The following SPEF2 variants were observed in gnomAD, a reference collection of about 807,000 sequenced individuals.
SPEF2 encodes the protein sperm flagellar and cilia associated 2, also known as sperm flagella and cilia-associated protein 2.
A neutral mutation model predicts 224.6 loss-of-function variants in SPEF2; 187 were observed. That is an observed-to-expected ratio of 0.83 (90% confidence interval 0.74 to 0.94). The LOEUF (loss-of-function observed/expected upper bound fraction) is 0.94. Among genes scored for constraint, SPEF2 ranks in the 40% least tolerant of loss-of-function variants. The probability of loss-of-function intolerance (pLI) is 0.00; values close to 1 mark genes in which losing one functional copy is unlikely to be tolerated. For missense variants in SPEF2, 2,170 were observed against 2,135.6 expected, an observed-to-expected ratio of 1.02 and a Z score of -0.32; for synonymous variants, 715 against 707.3, an observed-to-expected ratio of 1.01 and a Z score of -0.17.
In SPEF2 at chr5:35,740,287, T is replaced by C. The variant is rs769937686; in HGVS notation, c.3330+20T>C. ...GTGAATGTAAGGAAATAGTGACCTA[T>C]TGGGACAGGGTTAGCTGGCTTTCAT... On this transcript the variant is annotated intron_variant, in intron 23 of 36. Transcript: ENST00000356031. The C allele has an allele frequency of 3.1e-6, 5 of 1,613,370 alleles. No individual in the cohort carries two copies. In the South Asian group the frequency reaches 4.4e-5, roughly 14 times the overall value.
At chr5:35,710,528 G>A in intron 19 of SPEF2, 8 of 951,450 alleles carry the variant, frequency 8.4e-6, no homozygotes, top group Non-Finnish European at 1.0e-5. Flanking sequence ...CTGCACTCTA[G>A]CCTGGGGGAT....
intron 10 of SPEF2, among the ~76,000 whole-genome samples, chr5:35,676,318 C>T (rs558053020): frequency 1.3e-5 from 2 of 152,148 alleles, no homozygotes; most frequent in Non-Finnish European, 2.9e-5. Context: ...TGGGTTTGTT[C>T]TCTACCTACT....
Position 35,618,023 on chromosome 5 carries a change from T to G in SPEF2, c.26T>G (p.Leu9Arg). 1 of 1,587,232 alleles carries G rather than the reference T, an allele frequency of 6.3e-7. No individual in the cohort carries two copies. The highest frequency in any genetic ancestry group is 1.3e-5 in the African/African-American group (1 of 74,384). Residue 9 changes from leucine to arginine, a missense_variant, in exon 1 of 37, where the codon CTC (leucine) becomes CGC (arginine). Leu to Arg is a moderately radical substitution (Grantham distance 102). Coordinates refer to ENST00000356031, the MANE Select transcript of SPEF2 (RefSeq NM_024867.4). The part of the protein sequence containing the change: MSEILCQW[L>R]NKELKVSRTV... The stretch of plus-strand genomic sequence containing the variant: ...ATGTCGGAGATCCTGTGCCAGTGGC[T>G]CAACAAGGAGTTGAAGGTGTCCCGG...
chr5:35,630,645 G>A (rs183796005), intron 2 of SPEF2, among the ~76,000 whole-genome samples: 39 of 152,140 alleles, frequency 2.6e-4, no homozygotes, highest in East Asian at 1.7e-3. Flanking sequence ...GCAGTGAGCC[G>A]AGATTGGGCC....
At chr5:35,666,037 T>C (rs1580183777) in intron 8 of SPEF2, among the ~76,000 whole-genome samples, 1 of 152,294 alleles carries the variant, frequency 6.6e-6, no homozygotes, top group East Asian at 1.9e-4. Flanking sequence ...TTTTGGGGTA[T>C]GCTAAGTACT....
At chr5:35,629,509 C>A (rs1433396437) in intron 2 of SPEF2, among the ~76,000 whole-genome samples, 1 of 151,878 alleles carries the variant, frequency 6.6e-6, no homozygotes, top group Non-Finnish European at 1.5e-5. Flanking sequence ...TTTGGGTGGA[C>A]AATTAGTATG....
At chr5:35,749,964 C>G (rs1749152741) in intron 23 of SPEF2, among the ~76,000 whole-genome samples, 1 of 152,062 alleles carries the variant, frequency 6.6e-6, no homozygotes, top group Non-Finnish European at 1.5e-5. Context: ...TACTATAAGG[C>G]CATAGTAACC....
At position 35,641,536 on chromosome 5, in the gene SPEF2, G is replaced by A; in HGVS notation, c.267G>A (p.Lys89=). Residue 89 remains lysine (K), a synonymous_variant, in exon 3 of 37, where the codon AAG becomes AAA. Coordinates refer to ENST00000356031, the MANE Select transcript of SPEF2 (RefSeq NM_024867.4). ...TGGCCCATGGCATCATCACAGAAAA[G>A]CCTGGGGTGGCAACAAAGCTGTTAT... ...QNVAHGIITE[K]PGVATKLLYQ... is the part of the protein sequence containing the mutation. The A allele has an allele frequency of 6.2e-7, 1 of 1,613,826 alleles. No individual in the cohort carries two copies. The highest frequency in any genetic ancestry group is 1.7e-5 in the Admixed American group (1 of 59,958).
chr5:35,704,710 T>C, intron 17 of SPEF2, 48 bp downstream of exon 17: 1 of 1,092,260 alleles, frequency 9.2e-7, no homozygotes, highest in Non-Finnish European at 1.4e-6. Flanking sequence ...GCTTTTTAAA[T>C]AGATTGACAA....
In SPEF2 at chr5:35,667,856, T is replaced by C. The variant is rs73080265; in HGVS notation, c.1355+597T>C. On this transcript the variant is annotated intron_variant, in intron 9 of 36. Transcript: ENST00000356031. Reference sequence around the variant, plus strand: ...CCAGTTCAAAAATAGGCAAAAGATATGAAAAGACATTTCACTGAAGAGGAT... The same window carrying C: ...CCAGTTCAAAAATAGGCAAAAGATACGAAAAGACATTTCACTGAAGAGGAT... 2.6e-3 allele frequency among the ~76,000 whole-genome samples: 389 copies of C among 152,144 alleles called. 4 individuals carry two copies. The highest frequency in any genetic ancestry group is 9.1e-3 in the African/African-American group (376 of 41,542).
intron 10 of SPEF2, chr5:35,671,459 C>A (rs1751207502): frequency 2.0e-6 from 2 of 979,046 alleles, no homozygotes; most frequent in Non-Finnish European, 2.4e-6. Flanking sequence ...GTAAAATATA[C>A]TAGACCTATT....
chr5:35,705,239 G>C (rs1426778329), intron 17 of SPEF2, among the ~76,000 whole-genome samples: 2 of 151,930 alleles, frequency 1.3e-5, no homozygotes, highest in African/African-American at 4.8e-5. Flanking sequence ...AAATATATAA[G>C]TCTAAACCAT....
intron 21 of SPEF2, among the ~76,000 whole-genome samples, chr5:35,729,726 C>A (rs999126826): frequency 6.6e-6 from 1 of 152,060 alleles, no homozygotes; most frequent in African/African-American, 2.4e-5. Context: ...AGAATTCCTA[C>A]GTGTTGTGGG....
At position 35,773,351 on chromosome 5, in the gene SPEF2, G is replaced by C. The variant is rs568800845; in HGVS notation, c.3950-542G>C. On this transcript the variant is annotated intron_variant, in intron 27 of 36. Coordinates refer to ENST00000356031, the MANE Select transcript of SPEF2 (RefSeq NM_024867.4). The stretch of plus-strand genomic sequence containing the variant: ...ACCATGAGCATGCAACTGCACTCCA[G>C]CCTGGGTGACAGAGCAAGACTGTCT... Among the ~76,000 whole-genome samples the C allele has an allele frequency of 5.3e-4, 80 of 152,274 alleles. 1 individual carries two copies. Among genetic ancestry groups the C allele is most frequent in the African/African-American group, 1.9e-3 (79 of 41,572 alleles).
At chr5:35,739,836 T>C (rs1561287753) in intron 21 of SPEF2, 83 bp from the exon 22 acceptor site, 7 of 1,521,068 alleles carry the variant, frequency 4.6e-6, no homozygotes, top group Non-Finnish European at 5.3e-6. Flanking sequence ...TTGACCTTTT[T>C]GCTTGGGACT....
At chr5:35,655,220 G>T (rs1021325055) in intron 7 of SPEF2, among the ~76,000 whole-genome samples, 1 of 152,064 alleles carries the variant, frequency 6.6e-6, no homozygotes, top group Non-Finnish European at 1.5e-5. Context: ...CAGATTATTG[G>T]GCCCCACCCC....
chr5:35,637,059 G>A (rs916577233), intron 2 of SPEF2, among the ~76,000 whole-genome samples: 5 of 151,754 alleles, frequency 3.3e-5, no homozygotes, highest in Admixed American at 2.0e-4. Flanking sequence ...AAATCTGTTT[G>A]TCTGCTTTGA....
chr5:35,690,932 C>CT (rs1754366794), intron 10 of SPEF2, 105 bp from the exon 11 acceptor site: 2 of 802,670 alleles, frequency 2.5e-6, no homozygotes, highest in Non-Finnish European at 1.9e-6. Context: ...TATTCATTGG[C>CT]TTTTGTTGGC....
At chr5:35,738,915 A>T (rs1747111812) in intron 21 of SPEF2, among the ~76,000 whole-genome samples, 1 of 152,158 alleles carries the variant, frequency 6.6e-6, no homozygotes, top group Non-Finnish European at 1.5e-5. Flanking sequence ...TTTGTAAAGC[A>T]TCAATGATTT....
Sources: allele counts gnomAD v4.1 joint callset (sites outside exome capture counted in the v4.1 genomes callset), GRCh38; gene constraint gnomAD v4.1.1; transcripts MANE v1.5; gene names NCBI Gene and HGNC (gene_info 2026-07-23, HGNC 2026-07-21).